The following CUX1 variants were observed in gnomAD, a reference collection of about 807,000 sequenced individuals.
CUX1 encodes the protein cut like homeobox 1, also known as protein CASP.
CUX1 carries 31 observed loss-of-function variants against 158.8 expected under a neutral mutation model. That is an observed-to-expected ratio of 0.20 (90% confidence interval 0.15 to 0.26). The LOEUF is 0.26. CUX1 is among the 10% of genes least tolerant of loss of function. The pLI, the probability that CUX1 is intolerant of heterozygous loss-of-function variation, is 1.00. For missense variants in CUX1, 1,589 were observed against 2,014.6 expected (o/e 0.79, Z 4.04); for synonymous variants, 879 against 862.1 (o/e 1.02, Z -0.34).
chr7:102,108,238 C>A (rs543982442), intron 6 of CUX1, among the ~76,000 whole-genome samples: 6 of 152,114 alleles, frequency 3.9e-5, no homozygotes, highest in Non-Finnish European at 5.9e-5. Context: ...AAACATGCAC[C>A]GTACAAAATT....
chr7:102,227,276 T>G, intron 20 of CUX1, 91 bp from the exon 21 acceptor site: 5 of 1,125,880 alleles, frequency 4.4e-6, no homozygotes, highest in African/African-American at 1.5e-5. Context: ...CTACAGAGCG[T>G]TTAATTAGTA....
rs10654821 is a variant in CUX1, at chr7:101,855,877, C to CAAA, written c.30+38223_30+38225dup. ...TGGGCGGTAGAAGGAGTTTCCAGCT[C>CAAA]AAAAAAAAAAAAAAAAATGCAGCTT... On this transcript the variant is annotated intron_variant, in intron 1 of 23. Coordinates refer to ENST00000292535, the MANE Select transcript of CUX1 (RefSeq NM_181552.4). Among the ~76,000 whole-genome samples the CAAA allele has an allele frequency of 8.9e-3, 988 of 110,876 alleles. 43 individuals carry two copies. Among genetic ancestry groups the CAAA allele is most frequent in the East Asian group, 0.02 (77 of 3,854 alleles). The allele number at this position is 110,876 out of a possible 152,430, so 72.7% of individuals were successfully genotyped here.
intron 5 of CUX1, among the ~76,000 whole-genome samples, chr7:102,099,414 T>C (rs28462266): frequency 0.017 from 2,590 of 151,940 alleles, 67 homozygotes; most frequent in African/African-American, 0.058. Flanking sequence ...CAGTAAAAGG[T>C]AACCTGCAAA....
chr7:101,929,510 G>GCA (rs1806049269), intron 2 of CUX1, among the ~76,000 whole-genome samples: 2 of 152,206 alleles, frequency 1.3e-5, no homozygotes, highest in Admixed American at 1.3e-4. Context: ...GCACAGAAAA[G>GCA]CACTCTCTGC....
upstream of CUX1, chr7:101,816,112 C>T (rs376760578): frequency 3.8e-6 from 5 of 1,326,942 alleles, no homozygotes; most frequent in African/African-American, 1.6e-5. Context: ...CCTCCGCGCT[C>T]GGCCTCGCGC....
At chr7:102,034,663 G>A (rs901068646) in intron 3 of CUX1, among the ~76,000 whole-genome samples, 3 of 147,908 alleles carry the variant, frequency 2.0e-5, no homozygotes, top group Non-Finnish European at 4.4e-5. Flanking sequence ...TGAGGCAGGA[G>A]AATCACTTGA....
At chr7:102,085,525 G>C (rs782155592) in intron 4 of CUX1, among the ~76,000 whole-genome samples, 4 of 152,042 alleles carry the variant, frequency 2.6e-5, no homozygotes, top group Non-Finnish European at 5.9e-5. Flanking sequence ...CGCTTTGCTT[G>C]TCACTCCTTC....
chr7:101,935,195 C>A (rs1179548874), intron 2 of CUX1, among the ~76,000 whole-genome samples: 1 of 152,150 alleles, frequency 6.6e-6, no homozygotes, highest in South Asian at 2.1e-4. Context: ...TCTCCTGGCT[C>A]ATCCTGGCTC....
intron 1 of CUX1, 144 bp from the exon 2 acceptor site, chr7:101,915,971 C>T (rs1044025158): frequency 3.7e-5 from 24 of 652,252 alleles, no homozygotes; most frequent in Non-Finnish European, 6.6e-5. Flanking sequence ...CCGCCACCCT[C>T]CAGCCCCTCC....
At chr7:101,910,196 G>A (rs1803258809) in intron 1 of CUX1, among the ~76,000 whole-genome samples, 1 of 152,066 alleles carries the variant, frequency 6.6e-6, no homozygotes, top group Non-Finnish European at 1.5e-5. Context: ...ACCCAGGCTG[G>A]AGCACAGTGG....
chr7:101,850,838 C>A (rs1403556914), intron 1 of CUX1, among the ~76,000 whole-genome samples: 1 of 152,184 alleles, frequency 6.6e-6, no homozygotes, highest in Non-Finnish European at 1.5e-5. Flanking sequence ...TCACATTTCA[C>A]CTGTAATTCC....
At chr7:102,053,015 G>T (rs1585433647) in intron 3 of CUX1, among the ~76,000 whole-genome samples, 2 of 152,196 alleles carry the variant, frequency 1.3e-5, no homozygotes, top group Admixed American at 1.3e-4. Flanking sequence ...TCACCATGTT[G>T]GCCAGGCTGG....
At chr7:102,210,813 C>T (rs935088805) in intron 20 of CUX1, among the ~76,000 whole-genome samples, 4 of 152,282 alleles carry the variant, frequency 2.6e-5, no homozygotes, top group East Asian at 1.9e-4. Context: ...CCCTCTTTGA[C>T]GTGAAGCCCA....
At position 102,255,464 on chromosome 7, in the gene CUX1, C is replaced by G. The variant is rs1789795214; in HGVS notation, c.*6422C>G. 4 of 984,858 alleles carry G rather than the reference C, an allele frequency of 4.1e-6. No homozygotes were observed. The highest frequency in any genetic ancestry group is 4.8e-6 in the Non-Finnish European group (4 of 829,878). The allele number at this position is 984,858 out of a possible 1,614,324, so 61.0% of individuals were successfully genotyped here. A position where few individuals can be genotyped will look rare whatever the true frequency, so the allele number is the denominator to read the frequency against. ...TGCATAAATGTGCACTTCCCCCATG[C>G]CCCCGTTCTTAAACTCTTAAGATGC... On this transcript the variant is annotated 3_prime_UTR_variant, in exon 24 of 24. Coordinates refer to ENST00000292535, the MANE Select transcript of CUX1 (RefSeq NM_181552.4).
chr7:102,039,200 C>T (rs1585375510), intron 3 of CUX1, among the ~76,000 whole-genome samples: 1 of 152,240 alleles, frequency 6.6e-6, no homozygotes, highest in East Asian at 1.9e-4. Flanking sequence ...ATGGAAGCAT[C>T]GTCCTCATCT....
chr7:102,173,583 C>T (rs112547598), intron 10 of CUX1, among the ~76,000 whole-genome samples: 9,886 of 152,128 alleles, frequency 0.065, 442 homozygotes, highest in African/African-American at 0.12. Context: ...CAGCGGCTTC[C>T]CCTGGCCCCT....
chr7:102,163,532 G>A (rs1790687608), intron 9 of CUX1, among the ~76,000 whole-genome samples: 1 of 152,164 alleles, frequency 6.6e-6, no homozygotes, highest in African/African-American at 2.4e-5. Context: ...TGGGAGCAGT[G>A]AAGAATCGTA....
intron 1 of CUX1, among the ~76,000 whole-genome samples, chr7:101,819,473 C>T (rs1792238844): frequency 6.6e-6 from 1 of 152,204 alleles, no homozygotes; most frequent in South Asian, 2.1e-4. Context: ...CCTTCTTTTT[C>T]AGAATCAAAA....
chr7:101,832,868 C>A (rs1006113382), intron 1 of CUX1, among the ~76,000 whole-genome samples: 2 of 151,976 alleles, frequency 1.3e-5, no homozygotes, highest in Admixed American at 1.3e-4. Flanking sequence ...TGCCTCTGGT[C>A]CCCATCTTAC....
Sources: gnomAD v4.1 joint callset for allele counts (sites outside exome capture counted in the v4.1 genomes callset) on GRCh38, gnomAD v4.1.1 for gene constraint, MANE v1.5 for transcripts, NCBI Gene and HGNC (gene_info 2026-07-23, HGNC 2026-07-21) for gene names.